The following SMAD9 variants were observed in gnomAD, a reference collection of about 807,000 sequenced individuals.
SMAD9 encodes the protein MAD homolog 9.
SMAD9 carries 36 observed loss-of-function variants against 46.1 expected under a neutral mutation model. The observed-to-expected ratio is 0.78, with a 90% confidence interval of 0.60 to 1.03. SMAD9 has a LOEUF of 1.03. SMAD9 is among the 50% of genes least tolerant of loss of function. The pLI is 0.00. For synonymous variants in SMAD9, 245 were observed against 237.1 expected, an observed-to-expected ratio of 1.03 and a Z score of -0.31; for missense variants, 572 against 599.8, an observed-to-expected ratio of 0.95 and a Z score of 0.48.
At chr13:36,892,397 AAAGT>A (rs1326265527) in intron 1 of SMAD9, among the ~76,000 whole-genome samples, 2 of 152,228 alleles carry the variant, frequency 1.3e-5, no homozygotes, top group African/African-American at 4.8e-5. Context: ...AAGTGCAAAG[AAAGT>A]ATCAGGAAAG....
At chr13:36,854,019 C>A (rs2138290812) in intron 5 of SMAD9, among the ~76,000 whole-genome samples, 1 of 152,154 alleles carries the variant, frequency 6.6e-6, no homozygotes, top group South Asian at 2.1e-4. Flanking sequence ...ATTAACCAGG[C>A]ATGGTGGTGG....
At chr13:36,882,309 T>A (rs780608757) in intron 1 of SMAD9, among the ~76,000 whole-genome samples, 16 of 151,930 alleles carry the variant, frequency 1.1e-4, no homozygotes, top group Non-Finnish European at 2.4e-4. Context: ...AATTTACTTG[T>A]TAAGTTGGGT....
At chr13:36,918,647 G>A (rs973548317) in intron 1 of SMAD9, among the ~76,000 whole-genome samples, 1 of 152,186 alleles carries the variant, frequency 6.6e-6, no homozygotes, top group African/African-American at 2.4e-5. Flanking sequence ...GTCTAAAATT[G>A]TGCTGATGCT....
At chr13:36,852,390 T>C (rs1299648112) in intron 6 of SMAD9, 1 of 985,040 alleles carries the variant, frequency 1.0e-6, no homozygotes, top group African/African-American at 1.7e-5. Context: ...ACTAGACTCA[T>C]TTGCGAGTAC....
intron 1 of SMAD9, among the ~76,000 whole-genome samples, chr13:36,917,851 T>C (rs2058710633): frequency 6.6e-6 from 1 of 152,210 alleles, no homozygotes; most frequent in African/African-American, 2.4e-5. Context: ...AGTTTGGCAA[T>C]GCATAGTGCA....
intron 1 of SMAD9, among the ~76,000 whole-genome samples, chr13:36,912,403 T>C (rs1158236100): frequency 6.6e-6 from 1 of 152,166 alleles, no homozygotes; most frequent in Non-Finnish European, 1.5e-5. Flanking sequence ...TATTTCAAGA[T>C]AAGACATGGT....
chr13:36,895,918 C>T (rs1262270211), intron 1 of SMAD9, among the ~76,000 whole-genome samples: 4 of 152,020 alleles, frequency 2.6e-5, no homozygotes, highest in African/African-American at 7.3e-5. Context: ...TAAGCAGAGA[C>T]TTAAGTTATT....
chr13:36,859,540 T>C (rs2058159191), intron 5 of SMAD9, among the ~76,000 whole-genome samples: 1 of 152,194 alleles, frequency 6.6e-6, no homozygotes, highest in South Asian at 2.1e-4. Flanking sequence ...TCATTCTCAC[T>C]ACTACACTCC....
In SMAD9 at chr13:36,852,560, AC is replaced by A. The variant is rs1389222208; in HGVS notation, c.1260+858del. 5 of 984,706 alleles carry A rather than the reference AC, an allele frequency of 5.1e-6. No individual in the cohort carries two copies. The Admixed American group carries it at 3.1e-4, about 61-fold the overall frequency. 61.0% of individuals were successfully genotyped at this position (984,706 alleles called of 1,614,324 possible). ...TGAGAAATTCAACAAATATTCATCA[AC>A]AGAACATATACTGCTCTCTGAATTA... On this transcript the variant is annotated intron_variant, in intron 6 of 6. Transcript: ENST00000379826.
At chr13:36,899,593 A>C (rs2138624682) in intron 1 of SMAD9, among the ~76,000 whole-genome samples, 1 of 152,310 alleles carries the variant, frequency 6.6e-6, no homozygotes, top group African/African-American at 2.4e-5. Context: ...AAAGACATCC[A>C]TCTTGGATTT....
intron 5 of SMAD9, among the ~76,000 whole-genome samples, chr13:36,855,984 G>A (rs923652812): frequency 8.6e-5 from 13 of 151,988 alleles, no homozygotes; most frequent in African/African-American, 2.7e-4. Flanking sequence ...CTATCTCATC[G>A]CTGTTACCCA....
chr13:36,905,774 C>CAAAAAAAAAAAAAAAAAAAAAAAAAAAA (rs60358673), intron 1 of SMAD9, among the ~76,000 whole-genome samples: 1 of 66,452 alleles, frequency 1.5e-5, no homozygotes, highest in Non-Finnish European at 2.8e-5. Flanking sequence ...GACCCTGTCT[C>CAAAAAAAAAAAAAAAAAAAAAAAAAAAA]AAAAAAAAAA....
Position 36,879,794 on chromosome 13 carries a change from GTTC to G in SMAD9, c.-108_-106del. ...GGGTGGCATAGGGACCAACCCGCCC[GTTC>G]TTCTGGGAGCAGCTGGGACCAATTC... On this transcript the variant is annotated 5_prime_UTR_variant, in exon 2 of 7. Transcript: ENST00000379826. 7.9e-7 allele frequency: 1 copy of G among 1,268,206 alleles called. No individual in the cohort carries two copies. Among genetic ancestry groups the G allele is most frequent in the Non-Finnish European group, 1.1e-6 (1 of 887,382 alleles). The allele number at this position is 1,268,206 out of a possible 1,614,324, so 78.6% of individuals were successfully genotyped here. A position where few individuals can be genotyped will look rare whatever the true frequency, so the allele number is the denominator to read the frequency against.
chr13:36,855,849 A>G (rs2058118832), intron 5 of SMAD9, among the ~76,000 whole-genome samples: 1 of 152,220 alleles, frequency 6.6e-6, no homozygotes, highest in African/African-American at 2.4e-5. Context: ...AAACTGAGCC[A>G]GGGTCGCACA....
rs1478769358 is a variant in SMAD9 at position 36,861,929 on chromosome 13, C to CA, written c.1003+3607dup. 4.3e-3 allele frequency among the ~76,000 whole-genome samples: 504 copies of CA among 117,928 alleles called. 2 individuals carry two copies. Among genetic ancestry groups the CA allele is most frequent in the South Asian group, 0.011 (41 of 3,678 alleles). 77.4% of individuals were successfully genotyped at this position (117,928 alleles called of 152,430 possible). A position where few individuals can be genotyped will look rare whatever the true frequency, so the allele number is the denominator to read the frequency against. On this transcript the variant is annotated intron_variant, in intron 5 of 6. Coordinates refer to ENST00000379826, the MANE Select transcript of SMAD9 (RefSeq NM_001127217.3). ...GGGTGACAGAGCAAGACTCCCGTCT[C>CA]AAAAAAAAAAAAAAATCTTCCATCC...
At chr13:36,901,263 A>G in intron 1 of SMAD9, among the ~76,000 whole-genome samples, 1 of 152,162 alleles carries the variant, frequency 6.6e-6, no homozygotes, top group Admixed American at 6.6e-5. Flanking sequence ...TATTTTCCAC[A>G]TCATCTGAAC....
intron 1 of SMAD9, among the ~76,000 whole-genome samples, chr13:36,898,912 C>G (rs1041537277): frequency 2.0e-5 from 3 of 152,034 alleles, no homozygotes; most frequent in African/African-American, 7.2e-5. Context: ...GATGTCCTAG[C>G]CAGTGCGATA....
intron 1 of SMAD9, among the ~76,000 whole-genome samples, chr13:36,919,702 G>A (rs1358431497): frequency 2.3e-5 from 3 of 128,510 alleles, no homozygotes; most frequent in Admixed American, 1.7e-4. Context: ...CGCCGCCCCC[G>A]CCGCGGGTCG....
chr13:36,895,225 A>G (rs927652308), intron 1 of SMAD9, among the ~76,000 whole-genome samples: 1 of 152,200 alleles, frequency 6.6e-6, no homozygotes, highest in Non-Finnish European at 1.5e-5. Flanking sequence ...CCTTAACTGT[A>G]AACAACGCTG....
Sources: allele counts gnomAD v4.1 joint callset (sites outside exome capture counted in the v4.1 genomes callset), GRCh38; gene constraint gnomAD v4.1.1; transcripts MANE v1.5; gene names NCBI Gene and HGNC (gene_info 2026-07-23, HGNC 2026-07-21).